TRIM5: variants seen among roughly 807,000 people sequenced by gnomAD.
TRIM5 encodes tripartite motif-containing protein 5.
Under a neutral mutation model 35.6 loss-of-function variants are expected in TRIM5, and 31 were observed. The ratio of observed to expected loss-of-function variants is 0.87; its 90% CI spans 0.65 to 1.18. The LOEUF is 1.18. Among genes scored for constraint, TRIM5 ranks in the 50% most tolerant of loss-of-function variants. The pLI is 0.00. For missense variants in TRIM5, 609 were observed against 591.6 expected, an observed-to-expected ratio of 1.03 and a Z score of -0.31; for synonymous variants, 243 against 215.6, an observed-to-expected ratio of 1.13 and a Z score of -1.11.
the TRIM5 span, chr11:5,643,805 C>A: frequency 6.8e-7 from 1 of 1,472,058 alleles, no homozygotes; most frequent in East Asian, 2.3e-5. Context: ...TTGTGGTTTC[C>A]CTTCTTTAGA....
At chr11:5,640,080 T>C in the TRIM5 span, among the ~76,000 whole-genome samples, 202 of 152,332 alleles carry the variant, frequency 1.3e-3, 2 homozygotes, top group South Asian at 0.04. Flanking sequence ...TCTTATTCAT[T>C]CTATCTAACT....
chr11:5,608,323 A>C, the TRIM5 span: 2 of 1,609,252 alleles, frequency 1.2e-6, no homozygotes, highest in Non-Finnish European at 1.7e-6. Context: ...AATGTGGATA[A>C]GGGCATGACC....
the TRIM5 span, chr11:5,604,839 A>G: frequency 1.9e-6 from 1 of 526,666 alleles, no homozygotes; most frequent in African/African-American, 1.9e-5. Context: ...GGAGACAATC[A>G]CATAGCAGAG....
At chr11:5,652,116 G>A in the TRIM5 span, among the ~76,000 whole-genome samples, 1 of 151,736 alleles carries the variant, frequency 6.6e-6, no homozygotes, top group African/African-American at 2.4e-5. Flanking sequence ...TCCGTTTTTT[G>A]TTTTTGTTTT....
the TRIM5 span, chr11:5,596,903 CGG>C: frequency 6.2e-7 from 1 of 1,613,982 alleles, no homozygotes; most frequent in African/African-American, 1.3e-5. Context: ...CCCAGATGTG[CGG>C]GTCAGAGAGG....
At chr11:5,610,839 C>A in the TRIM5 span, 1 of 1,614,182 alleles carries the variant, frequency 6.2e-7, no homozygotes, top group African/African-American at 1.3e-5. Context: ...AAACCGGAGA[C>A]AAGTGAGGTT....
the TRIM5 span, chr11:5,610,855 G>A: frequency 1.9e-6 from 3 of 1,614,194 alleles, no homozygotes; most frequent in South Asian, 2.2e-5. Context: ...AGGTTTGTGG[G>A]AGCTAAAGTA....
At chr11:5,619,309 C>T in the TRIM5 span, among the ~76,000 whole-genome samples, 6 of 152,174 alleles carry the variant, frequency 3.9e-5, no homozygotes, top group South Asian at 4.1e-4. Context: ...TACAAGAATA[C>T]GCCTCCTTCA....
chr11:5,645,880 A>AAAATATATATATAT, the TRIM5 span: 1 of 136,796 alleles, frequency 7.3e-6, no homozygotes, highest in African/African-American at 3.3e-5. Flanking sequence ...AAAAAAAAAA[A>AAAATATATATATAT]ATATATATAT....
In TRIM5 at chr11:5,680,160, C is replaced by T; in HGVS notation, c.18G>A (p.Leu6=). The change falls in exon 2 of 8, where the codon CTG becomes CTA. Residue 6 remains leucine, a synonymous_variant. Coordinates refer to ENST00000380034, the MANE Select transcript of TRIM5 (RefSeq NM_033034.3). MASGI[L]VNVKEEVTCP... ...AGGTCACCTCCTCCTTTACATTAAC[C>T]AGGATTCCAGAAGCCATAGTAGCTA... The T allele has an allele frequency of 6.2e-7, 1 of 1,608,712 alleles. No individual in the cohort carries two copies. Among genetic ancestry groups the T allele is most frequent in the Non-Finnish European group, 8.5e-7 (1 of 1,176,960 alleles).
chr11:5,626,306 A>C, the TRIM5 span, among the ~76,000 whole-genome samples: 1 of 152,220 alleles, frequency 6.6e-6, no homozygotes, highest in South Asian at 2.1e-4. Flanking sequence ...GTGATCATAG[A>C]CCATATCGAT....
intron 1 of TRIM5, chr11:5,683,876 C>G (rs927219594): frequency 1.3e-5 from 2 of 152,274 alleles, no homozygotes; most frequent in African/African-American, 4.8e-5. Context: ...TGGCAACCTG[C>G]GCTGGTCCCC....
At chr11:5,621,139 T>C in the TRIM5 span, among the ~76,000 whole-genome samples, 2 of 152,226 alleles carry the variant, frequency 1.3e-5, no homozygotes, top group Admixed American at 1.3e-4. Context: ...CTTTAACCCC[T>C]GCATCCCAGT....
At chr11:5,610,386 G>T in the TRIM5 span, 24 of 1,567,934 alleles carry the variant, frequency 1.5e-5, no homozygotes, top group African/African-American at 2.8e-4. Context: ...TGCTGAAGAA[G>T]ATGCGGTTTG....
chr11:5,605,320 C>A, the TRIM5 span: 2 of 1,613,832 alleles, frequency 1.2e-6, no homozygotes, highest in Non-Finnish European at 1.7e-6. Flanking sequence ...GCCTCTTTTT[C>A]TTCCCTGTTC....
the TRIM5 span, among the ~76,000 whole-genome samples, chr11:5,657,671 A>T: frequency 1.3e-3 from 119 of 92,676 alleles, 1 homozygote; most frequent in African/African-American, 5.0e-3. Flanking sequence ...TATATTTATA[A>T]TATAATATAT....
chr11:5,605,423 G>C, the TRIM5 span: 2 of 1,614,180 alleles, frequency 1.2e-6, no homozygotes. Flanking sequence ...AACGGGAGCT[G>C]AAAAAGCTGG....
At chr11:5,608,292 G>C in the TRIM5 span, 1 of 1,590,852 alleles carries the variant, frequency 6.3e-7, no homozygotes, top group Non-Finnish European at 8.6e-7. Flanking sequence ...CATATCATGG[G>C]GTAGGGGACA....
At chr11:5,591,009 C>T in the TRIM5 span, 7 of 176,302 alleles carry the variant, frequency 4.0e-5, no homozygotes, top group East Asian at 1.5e-4. Context: ...CCACCAATTC[C>T]GGACACACTT....
Sources: allele counts gnomAD v4.1 joint callset (sites outside exome capture counted in the v4.1 genomes callset), GRCh38; gene constraint gnomAD v4.1.1; transcripts MANE v1.5; gene names NCBI Gene and HGNC (gene_info 2026-07-23, HGNC 2026-07-21).